Variants in LRRC37A2 observed in about 807,000 individuals in gnomAD.
LRRC37A2 encodes leucine-rich repeat-containing protein 37A2.
LRRC37A2 carries 9 observed loss-of-function variants against 68.8 expected under a neutral mutation model. That is an observed-to-expected ratio of 0.13 (90% CI 0.08 to 0.23). The LOEUF is 0.23. LRRC37A2 is among the 10% of genes least tolerant of loss of function. The pLI, the probability that LRRC37A2 is intolerant of heterozygous loss-of-function variation, is 1.00. For missense variants in LRRC37A2, 168 were observed against 950.4 expected (o/e 0.18, Z 10.82); for synonymous variants, 63 against 367.6 (o/e 0.17, Z 9.48).
the LRRC37A2 span, among the ~76,000 whole-genome samples, chr17:46,750,783 G>T: frequency 6.6e-6 from 1 of 151,708 alleles, no homozygotes; most frequent in South Asian, 2.1e-4. Flanking sequence ...ATTCATAGTG[G>T]CTTTTAGCAC....
chr17:46,493,010 T>G, the LRRC37A2 span, among the ~76,000 whole-genome samples: 2 of 149,004 alleles, frequency 1.3e-5, no homozygotes, highest in Non-Finnish European at 2.9e-5. Context: ...TTTTTTTTTT[T>G]TTTTTTGGCC....
At chr17:46,979,008 C>T in the LRRC37A2 span, 9 of 1,400,762 alleles carry the variant, frequency 6.4e-6, no homozygotes, top group Non-Finnish European at 7.3e-6. Flanking sequence ...TCGCGTTCAT[C>T]GCCGCGCGGC....
At chr17:47,023,158 C>A in the LRRC37A2 span, among the ~76,000 whole-genome samples, 1 of 152,178 alleles carries the variant, frequency 6.6e-6, no homozygotes, top group African/African-American at 2.4e-5. Context: ...AATTAAATAT[C>A]TTTATACGTT....
the LRRC37A2 span, among the ~76,000 whole-genome samples, chr17:46,949,689 A>T: frequency 6.6e-6 from 1 of 152,232 alleles, no homozygotes; most frequent in Non-Finnish European, 1.5e-5. Context: ...GCCATGGCAG[A>T]AGTAGTATCT....
the LRRC37A2 span, among the ~76,000 whole-genome samples, chr17:46,998,269 T>C: frequency 6.6e-6 from 1 of 152,100 alleles, no homozygotes; most frequent in South Asian, 2.1e-4. Context: ...GGCTACGGGG[T>C]ATGCTGGGAG....
At chr17:46,392,221 T>C in the LRRC37A2 span, among the ~76,000 whole-genome samples, 2 of 69,346 alleles carry the variant, frequency 2.9e-5, 1 homozygote, top group African/African-American at 9.3e-5. Context: ...TTCTTTTTTT[T>C]TTTTTTTTGA....
At chr17:46,851,279 C>T in the LRRC37A2 span, among the ~76,000 whole-genome samples, 14 of 151,930 alleles carry the variant, frequency 9.2e-5, no homozygotes, top group South Asian at 2.1e-4. The surrounding 1 kb of genome is among the most constrained non-coding windows in gnomAD (Gnocchi z 4.3). Flanking sequence ...TCCTCCGTCC[C>T]CGCCTCGTAC....
At chr17:46,478,615 C>A in the LRRC37A2 span, among the ~76,000 whole-genome samples, 42 of 110,946 alleles carry the variant, frequency 3.8e-4, 4 homozygotes, top group African/African-American at 1.3e-3. Flanking sequence ...GAGTTAATAC[C>A]CCAACTGCAA....
chr17:46,727,491 C>T, the LRRC37A2 span, among the ~76,000 whole-genome samples: 2 of 152,222 alleles, frequency 1.3e-5, no homozygotes, highest in Admixed American at 6.5e-5. Flanking sequence ...ATGGTGTAGT[C>T]GTGATTTCAA....
the LRRC37A2 span, among the ~76,000 whole-genome samples, chr17:46,796,927 C>T: frequency 6.6e-6 from 1 of 152,196 alleles, no homozygotes; most frequent in Non-Finnish European, 1.5e-5. Context: ...GGACTCTCAG[C>T]TTGGTTACCG....
the LRRC37A2 span, among the ~76,000 whole-genome samples, chr17:46,671,977 T>G: frequency 7.1e-6 from 1 of 139,922 alleles, no homozygotes; most frequent in African/African-American, 2.6e-5. Flanking sequence ...TTAAAATCCT[T>G]CATATTCTTT....
At chr17:46,625,879 T>TAAAAAA in the LRRC37A2 span, among the ~76,000 whole-genome samples, 1 of 59,006 alleles carries the variant, frequency 1.7e-5, no homozygotes, top group Non-Finnish European at 3.1e-5. Context: ...CCACATGTAT[T>TAAAAAA]AAAAAAAAAA....
At chr17:46,495,228 T>G in the LRRC37A2 span, among the ~76,000 whole-genome samples, 2 of 144,946 alleles carry the variant, frequency 1.4e-5, no homozygotes, top group African/African-American at 5.6e-5. Context: ...CCTCATTTTC[T>G]TTGATTTTTC....
At chr17:46,724,286 G>T in the LRRC37A2 span, among the ~76,000 whole-genome samples, 5 of 152,294 alleles carry the variant, frequency 3.3e-5, no homozygotes, top group Admixed American at 3.3e-4. Flanking sequence ...AGGACAACCC[G>T]AAAATCTCAG....
At chr17:46,923,753 T>A in the LRRC37A2 span, 1 of 426,942 alleles carries the variant, frequency 2.3e-6, no homozygotes, top group Non-Finnish European at 4.0e-6. Flanking sequence ...CGTATCTGGT[T>A]ACAGGTTATC....
chr17:46,922,234 C>CA, the LRRC37A2 span, among the ~76,000 whole-genome samples: 1 of 150,710 alleles, frequency 6.6e-6, no homozygotes, highest in South Asian at 2.1e-4. Context: ...ATCGCAAGGA[C>CA]AAAAAAACAA....
chr17:46,838,395 G>A, the LRRC37A2 span, among the ~76,000 whole-genome samples: 2 of 151,804 alleles, frequency 1.3e-5, no homozygotes, highest in Middle Eastern at 3.4e-3. Flanking sequence ...GGAAGGCCAA[G>A]GCAGGAGGAT....
the LRRC37A2 span, among the ~76,000 whole-genome samples, chr17:46,785,069 G>A: frequency 6.6e-6 from 1 of 152,132 alleles, no homozygotes; most frequent in African/African-American, 2.4e-5. Context: ...GAGCCACCGT[G>A]CCCGGCCTCC....
chr17:47,019,065 G>T, the LRRC37A2 span: 4 of 1,379,992 alleles, frequency 2.9e-6, no homozygotes, highest in African/African-American at 4.4e-5. Flanking sequence ...CACTACGGAG[G>T]TTGGACATTC....
Sources: allele counts gnomAD v4.1 joint callset (sites outside exome capture counted in the v4.1 genomes callset), GRCh38; gene constraint gnomAD v4.1.1; non-coding constraint Gnocchi (gnomAD v3.1); transcripts MANE v1.5; gene names NCBI Gene and HGNC (gene_info 2026-07-23, HGNC 2026-07-21).